Variants in PDE4B observed in about 807,000 individuals in gnomAD.
The protein encoded by PDE4B is 3',5'-cyclic-AMP phosphodiesterase 4B.
In PDE4B, 20 loss-of-function variants were observed where a neutral mutation model predicts 82.2. The observed-to-expected ratio is 0.24, with a 90% CI of 0.17 to 0.35. The LOEUF is 0.35. Among genes scored for constraint, PDE4B ranks in the 10% least tolerant of loss-of-function variants. PDE4B has a pLI of 1.00. For missense variants in PDE4B, 655 were observed against 907.2 expected (o/e 0.72, Z 3.57); for synonymous variants, 320 against 318.9 (o/e 1.00, Z -0.04).
At chr1:66,024,436 C>A (rs889154281) in intron 3 of PDE4B, among the ~76,000 whole-genome samples, 1 of 151,974 alleles carries the variant, frequency 6.6e-6, no homozygotes, top group African/African-American at 2.4e-5. Flanking sequence ...GCTTGCTACC[C>A]CCAAGGAAGC....
intron 1 of PDE4B, among the ~76,000 whole-genome samples, chr1:65,869,898 A>G (rs1646554500): frequency 6.6e-6 from 1 of 152,082 alleles, no homozygotes; most frequent in South Asian, 2.1e-4. Context: ...ATCAACTAAC[A>G]GAAATCCTCT....
chr1:65,850,857 C>T (rs1265957259), intron 1 of PDE4B, among the ~76,000 whole-genome samples: 1 of 152,118 alleles, frequency 6.6e-6, no homozygotes, highest in African/African-American at 2.4e-5. Flanking sequence ...CTTTTCTTTC[C>T]TATCGAAGAA....
chr1:65,804,150 TG>T (rs1645727195), intron 1 of PDE4B, among the ~76,000 whole-genome samples: 1 of 152,178 alleles, frequency 6.6e-6, no homozygotes, highest in Admixed American at 6.6e-5. Context: ...CACACCTCTG[TG>T]GGAAAAATAC....
intron 3 of PDE4B, among the ~76,000 whole-genome samples, chr1:66,124,676 G>A (rs1354409610): frequency 6.6e-6 from 1 of 152,082 alleles, no homozygotes; most frequent in Non-Finnish European, 1.5e-5. Flanking sequence ...ACTGAAGGTA[G>A]GTACAGCAGG....
chr1:66,337,348 T>A (rs1435022116), intron 8 of PDE4B, among the ~76,000 whole-genome samples: 1 of 152,194 alleles, frequency 6.6e-6, no homozygotes, highest in Non-Finnish European at 1.5e-5. Context: ...ACATTTTGCA[T>A]CTGCTGGACC....
chr1:65,948,850 G>A (rs1475508366), intron 3 of PDE4B, among the ~76,000 whole-genome samples: 1 of 152,038 alleles, frequency 6.6e-6, no homozygotes, highest in East Asian at 1.9e-4. Context: ...TCACAGAACT[G>A]GCTCAGGCCT....
chr1:66,240,984 T>C lies in PDE4B; in HGVS notation c.282-6476T>C, dbSNP rs149604104. Reference sequence around the variant, plus strand: ...ATCTCAGAGCTCTTCAGCATTCCTGTGCTACCTCTGGTTGAGCCTTTCTGT... The same window carrying C: ...ATCTCAGAGCTCTTCAGCATTCCTGCGCTACCTCTGGTTGAGCCTTTCTGT... On this transcript the variant is annotated intron_variant, in intron 3 of 16. Coordinates refer to ENST00000341517, the MANE Select transcript of PDE4B (RefSeq NM_002600.4). Among the ~76,000 whole-genome samples, 14 of 152,360 alleles carry C rather than the reference T, an allele frequency of 9.2e-5. No homozygotes were observed. The East Asian group carries it at 2.3e-3, about 25-fold the overall frequency.
chr1:66,027,040 C>A (rs774908148), intron 3 of PDE4B, among the ~76,000 whole-genome samples: 1 of 152,098 alleles, frequency 6.6e-6, no homozygotes, highest in Non-Finnish European at 1.5e-5. Context: ...AATTCTTGGC[C>A]TTTGTTTTAC....
chr1:66,292,270 G>C (rs1384516079), intron 7 of PDE4B, among the ~76,000 whole-genome samples: 1 of 152,150 alleles, frequency 6.6e-6, no homozygotes, highest in East Asian at 1.9e-4. Flanking sequence ...TTGCTGAATA[G>C]TGTTTTATAT....
At chr1:66,006,434 C>T (rs2503180) in intron 3 of PDE4B, among the ~76,000 whole-genome samples, 149,341 of 152,256 alleles carry the variant, frequency 0.98, 73,295 homozygotes, top group Middle Eastern at 1. Flanking sequence ...TAATTTTTCA[C>T]AGATACAAGT....
At position 65,865,087 on chromosome 1, in the gene PDE4B, G is replaced by A. The variant is rs150863721; in HGVS notation, c.-70-48158G>A. Among the ~76,000 whole-genome samples the A allele has an allele frequency of 3.2e-3, 490 of 152,292 alleles. 16 individuals carry two copies. In the South Asian group the frequency reaches 0.091, roughly 28 times the overall value. ...CTTCAGAGATGCACTGCCCAGTGAG[G>A]AGGAATCTAGAGAGGCAGTCTGCCC... is the stretch of plus-strand genomic sequence containing the variant. On this transcript the variant is annotated intron_variant, in intron 1 of 16. Transcript: ENST00000341517.
intron 3 of PDE4B, among the ~76,000 whole-genome samples, chr1:66,015,299 C>T (rs1166784990): frequency 6.6e-6 from 1 of 152,074 alleles, no homozygotes; most frequent in East Asian, 1.9e-4. Flanking sequence ...CCTAGCTGCT[C>T]CTCCTACTTC....
At position 66,247,492 on chromosome 1, in the gene PDE4B, G is replaced by A. The variant is rs769113293; in HGVS notation, c.314G>A (p.Arg105Gln). 32 of 1,593,438 alleles carry A rather than the reference G, an allele frequency of 2.0e-5. No individual in the cohort carries two copies. The highest frequency in any genetic ancestry group is 1.5e-4 in the Admixed American group (8 of 54,672). The change falls in exon 4 of 17, where the codon CGG becomes CAG. Residue 105 changes from arginine to glutamine, a missense_variant. Physicochemically the swap from Arg to Gln is conservative, Grantham distance 43. Around this residue, in one of 3 missense-constraint regions of PDE4B, gnomAD observed 253 missense variants for 275.6 expected, o/e 0.92. Coordinates refer to ENST00000341517, the MANE Select transcript of PDE4B (RefSeq NM_002600.4). ...GTGGAAAATGGCCCTTCCCCAGGTC[G>A]GAGTCCACTGGATCCCCAGGCCAGC... ...FDVENGPSPG[R>Q]SPLDPQASSS...
At chr1:66,239,467 A>T (rs1398807528) in intron 3 of PDE4B, among the ~76,000 whole-genome samples, 1 of 152,238 alleles carries the variant, frequency 6.6e-6, no homozygotes, top group Non-Finnish European at 1.5e-5. Flanking sequence ...TTTAGTAGAT[A>T]AAAGTTTGAA....
At chr1:66,191,502 CA>C (rs772796723) in intron 3 of PDE4B, among the ~76,000 whole-genome samples, 5 of 152,094 alleles carry the variant, frequency 3.3e-5, no homozygotes, top group African/African-American at 4.8e-5. Flanking sequence ...AATCTTAATT[CA>C]CATCAAAGTA....
intron 3 of PDE4B, among the ~76,000 whole-genome samples, chr1:66,132,825 A>T (rs998622985): frequency 6.6e-6 from 1 of 152,200 alleles, no homozygotes; most frequent in Admixed American, 6.5e-5. Context: ...TTTGCACTTA[A>T]CAATTCTCTT....
intron 3 of PDE4B, among the ~76,000 whole-genome samples, chr1:66,127,429 C>T (rs573074049): frequency 1.3e-5 from 2 of 151,680 alleles, no homozygotes; most frequent in South Asian, 2.1e-4. Flanking sequence ...GAAAGCTGAT[C>T]CAAATCATTG....
At chr1:66,340,683 C>T (rs1222070979) in intron 8 of PDE4B, among the ~76,000 whole-genome samples, 1 of 152,030 alleles carries the variant, frequency 6.6e-6, no homozygotes, top group South Asian at 2.1e-4. Context: ...AATGTTTTAA[C>T]TTTAAGCAAT....
At chr1:65,948,114 T>C (rs1236827687) in intron 3 of PDE4B, among the ~76,000 whole-genome samples, 1 of 151,568 alleles carries the variant, frequency 6.6e-6, no homozygotes, top group African/African-American at 2.4e-5. Context: ...CAGCTATAAC[T>C]TTACAATTCA....
Sources: allele counts gnomAD v4.1 joint callset (sites outside exome capture counted in the v4.1 genomes callset), GRCh38; gene constraint gnomAD v4.1.1; regional missense constraint gnomAD v4.1.1; transcripts MANE v1.5; gene names NCBI Gene and HGNC (gene_info 2026-07-23, HGNC 2026-07-21).